The following SYT1 variants were observed in gnomAD, a reference collection of about 807,000 sequenced individuals.
SYT1 encodes synaptotagmin 1.
A neutral mutation model predicts 44.8 loss-of-function variants in SYT1; 8 were observed. The observed-to-expected ratio is 0.18, with a 90% CI of 0.10 to 0.32. The LOEUF is 0.32. Ranked by LOEUF, SYT1 falls within the 10% of genes least tolerant of loss-of-function variation. The pLI, the probability that SYT1 is intolerant of heterozygous loss-of-function variation, is 1.00. For missense variants in SYT1, 286 were observed against 509.3 expected, an observed-to-expected ratio of 0.56 and a Z score of 4.22; for synonymous variants, 154 against 188.8, an observed-to-expected ratio of 0.82 and a Z score of 1.51.
intron 9 of SYT1, among the ~76,000 whole-genome samples, chr12:79,381,156 A>C (rs930987109): frequency 5.9e-5 from 9 of 152,204 alleles, no homozygotes; most frequent in Non-Finnish European, 1.0e-4. Context: ...TTGGCAACGA[A>C]TGGCCTACTA....
At chr12:78,923,231 T>C (rs926295750) in intron 1 of SYT1, among the ~76,000 whole-genome samples, 10 of 151,992 alleles carry the variant, frequency 6.6e-5, no homozygotes, top group African/African-American at 2.4e-4. Context: ...TGACTGAGGA[T>C]CCAACTTTAT....
chr12:79,321,572 A>G (rs996044557), intron 8 of SYT1, among the ~76,000 whole-genome samples: 8 of 152,142 alleles, frequency 5.3e-5, no homozygotes, highest in Non-Finnish European at 2.9e-5. Context: ...AGTGACTGCT[A>G]CTCCATAGAC....
At chr12:79,106,868 A>G (rs1185206051) in intron 3 of SYT1, among the ~76,000 whole-genome samples, 1 of 152,090 alleles carries the variant, frequency 6.6e-6, no homozygotes, top group Non-Finnish European at 1.5e-5. Context: ...CTTTACCTTT[A>G]ATCATAGTAG....
chr12:79,125,852 T>C (rs2138154549), intron 3 of SYT1, among the ~76,000 whole-genome samples: 1 of 152,268 alleles, frequency 6.6e-6, no homozygotes, highest in Admixed American at 6.5e-5. Flanking sequence ...AAGAAGACTT[T>C]CCTAACCTCT....
rs187858784 is a variant in SYT1, at chr12:79,067,194, A to G, written c.-18+19832A>G. Among the ~76,000 whole-genome samples, 38 of 152,326 alleles carry G rather than the reference A, an allele frequency of 2.5e-4. 1 individual carries two copies. The highest frequency in any genetic ancestry group is 1.2e-3 in the East Asian group (6 of 5,180). ...TTGTTGAAATGTCAAGAAGAGCCTA[A>G]TGTTATAGATTTTGGTGAAAGGTAG... is the stretch of plus-strand genomic sequence containing the variant. On this transcript the variant is annotated intron_variant, in intron 3 of 10. Transcript: ENST00000261205.
chr12:79,058,912 T>G (rs535185402), intron 3 of SYT1, among the ~76,000 whole-genome samples: 1 of 152,162 alleles, frequency 6.6e-6, no homozygotes, highest in South Asian at 2.1e-4. Context: ...CAGTGGGTCT[T>G]GCAAAGCTTG....
chr12:79,054,037 T>TTAAA (rs1423089057), intron 3 of SYT1, among the ~76,000 whole-genome samples: 1 of 152,076 alleles, frequency 6.6e-6, no homozygotes. Flanking sequence ...TTAGTAGGCA[T>TTAAA]TGAACTAAAT....
chr12:79,355,220 G>A (rs921853820), intron 9 of SYT1, among the ~76,000 whole-genome samples: 3 of 152,148 alleles, frequency 2.0e-5, no homozygotes, highest in Admixed American at 6.6e-5. Flanking sequence ...GTTAGGTCTA[G>A]CAGGTTATTT....
intron 9 of SYT1, among the ~76,000 whole-genome samples, chr12:79,432,985 C>A (rs1386110534): frequency 3.3e-5 from 5 of 152,052 alleles, no homozygotes; most frequent in Admixed American, 6.5e-5. Context: ...CATTACCCAA[C>A]CCCCTAGGAA....
At chr12:78,919,374 C>G (rs1430075019) in intron 1 of SYT1, among the ~76,000 whole-genome samples, 1 of 152,006 alleles carries the variant, frequency 6.6e-6, no homozygotes, top group African/African-American at 2.4e-5. Flanking sequence ...CAGGTGAGAC[C>G]AGGGAGCTGA....
chr12:79,194,206 T>G (rs931747872), intron 3 of SYT1, among the ~76,000 whole-genome samples: 12 of 152,160 alleles, frequency 7.9e-5, no homozygotes, highest in African/African-American at 1.2e-4. Context: ...TTGAAAAAGA[T>G]CACCACACTT....
intron 8 of SYT1, among the ~76,000 whole-genome samples, chr12:79,335,424 A>G (rs1172079919): frequency 7.1e-6 from 1 of 141,452 alleles, no homozygotes; most frequent in Non-Finnish European, 1.5e-5. Flanking sequence ...TCTTTTCTTT[A>G]ATCTTCTGTG....
chr12:78,917,449 T>C (rs1308490462), intron 1 of SYT1, among the ~76,000 whole-genome samples: 2 of 151,744 alleles, frequency 1.3e-5, no homozygotes, highest in Non-Finnish European at 2.9e-5. Flanking sequence ...CATCACACAC[T>C]GGGGCCTGTG....
At chr12:79,229,295 CA>C (rs1223357481) in intron 4 of SYT1, among the ~76,000 whole-genome samples, 32 of 152,202 alleles carry the variant, frequency 2.1e-4, no homozygotes, top group Non-Finnish European at 4.6e-4. Context: ...AACATTAAAG[CA>C]AACAGTGCGG....
chr12:79,413,604 C>G (rs1868559599), intron 9 of SYT1, among the ~76,000 whole-genome samples: 1 of 152,110 alleles, frequency 6.6e-6, no homozygotes, highest in Admixed American at 6.6e-5. Flanking sequence ...ATTTCAAATA[C>G]CCTAGGCACA....
At chr12:78,867,000 A>G (rs1166169799) in intron 1 of SYT1, among the ~76,000 whole-genome samples, 1 of 151,966 alleles carries the variant, frequency 6.6e-6, no homozygotes, top group African/African-American at 2.4e-5. Flanking sequence ...ATCTCTCCCT[A>G]AATAGAATTA....
intron 8 of SYT1, among the ~76,000 whole-genome samples, chr12:79,344,297 C>T (rs888212068): frequency 2.0e-5 from 3 of 152,156 alleles, no homozygotes; most frequent in Admixed American, 6.5e-5. Flanking sequence ...GTTGACTTTG[C>T]GTGTCTTACT....
At chr12:78,916,363 A>C (rs571228908) in intron 1 of SYT1, among the ~76,000 whole-genome samples, 1 of 152,078 alleles carries the variant, frequency 6.6e-6, no homozygotes, top group African/African-American at 2.4e-5. Context: ...ATAATTGTGA[A>C]TGTATCATTC....
chr12:78,951,065 C>A (rs764442109), intron 1 of SYT1, among the ~76,000 whole-genome samples: 1 of 152,096 alleles, frequency 6.6e-6, no homozygotes, highest in East Asian at 1.9e-4. Flanking sequence ...TGAGGCAATC[C>A]TCTACATAAA....
Sources: gnomAD v4.1 joint callset for allele counts (sites outside exome capture counted in the v4.1 genomes callset) on GRCh38, gnomAD v4.1.1 for gene constraint, MANE v1.5 for transcripts, NCBI Gene and HGNC (gene_info 2026-07-23, HGNC 2026-07-21) for gene names.